The following ARHGAP15 variants were observed in gnomAD, a reference collection of about 807,000 sequenced individuals.
ARHGAP15 encodes rho GTPase-activating protein 15.
In ARHGAP15, 51 loss-of-function variants were observed where a neutral mutation model predicts 63.7. That is an observed-to-expected ratio of 0.80 (90% CI 0.64 to 1.01). The LOEUF (loss-of-function observed/expected upper bound fraction) is 1.01, where lower values mean the gene tolerates loss of function less well. Among genes scored for constraint, ARHGAP15 ranks in the 50% least tolerant of loss-of-function variants. The pLI, the probability that ARHGAP15 is intolerant of heterozygous loss-of-function variation, is 0.00. For synonymous variants in ARHGAP15, 191 were observed against 193.8 expected (o/e 0.99, Z 0.12); for missense variants, 560 against 564.6 (o/e 0.99, Z 0.08).
chr2:143,429,811 C>T (rs1250268904), intron 6 of ARHGAP15, among the ~76,000 whole-genome samples: 9 of 152,032 alleles, frequency 5.9e-5, no homozygotes, highest in African/African-American at 9.7e-5. Context: ...GAACATTTTC[C>T]GTTGCTTAAA....
intron 12 of ARHGAP15, among the ~76,000 whole-genome samples, chr2:143,694,784 C>G (rs1348393982): frequency 1.3e-5 from 2 of 152,226 alleles, no homozygotes; most frequent in African/African-American, 4.8e-5. Flanking sequence ...TAACCATTAT[C>G]TCCTCTTCAG....
chr2:143,709,054 C>T (rs1684458383), intron 13 of ARHGAP15, among the ~76,000 whole-genome samples: 1 of 152,110 alleles, frequency 6.6e-6, no homozygotes, highest in African/African-American at 2.4e-5. Context: ...AGTACTAGAA[C>T]TTTTGTTGTC....
At chr2:143,327,693 A>G (rs1039185847) in intron 6 of ARHGAP15, among the ~76,000 whole-genome samples, 1 of 152,198 alleles carries the variant, frequency 6.6e-6, no homozygotes, top group Non-Finnish European at 1.5e-5. Flanking sequence ...GGACATAGGC[A>G]TGGGCAAAGA....
intron 11 of ARHGAP15, among the ~76,000 whole-genome samples, chr2:143,558,025 C>T (rs184920863): frequency 2.0e-4 from 30 of 152,148 alleles, no homozygotes; most frequent in Admixed American, 1.4e-3. Context: ...AACTGGGTAG[C>T]ATCTATGACA....
At chr2:143,660,028 G>A (rs1045660758) in intron 12 of ARHGAP15, among the ~76,000 whole-genome samples, 11 of 152,238 alleles carry the variant, frequency 7.2e-5, no homozygotes, top group African/African-American at 1.2e-4. Flanking sequence ...GGGTAGACAC[G>A]TGGTCTGTGT....
chr2:143,252,211 T>C (rs1308747813), intron 6 of ARHGAP15, among the ~76,000 whole-genome samples: 1 of 152,056 alleles, frequency 6.6e-6, no homozygotes, highest in African/African-American at 2.4e-5. Context: ...GACAGTCAGC[T>C]ATATTTGATG....
At chr2:143,516,392 G>A (rs1006282370) in intron 9 of ARHGAP15, among the ~76,000 whole-genome samples, 4 of 152,030 alleles carry the variant, frequency 2.6e-5, no homozygotes, top group African/African-American at 9.7e-5. Flanking sequence ...ACCCTCTGTT[G>A]TACAAACATA....
Position 143,487,500 on chromosome 2 carries a change from A to G in ARHGAP15, c.826+5A>G. On this transcript the variant is annotated splice_donor_5th_base_variant and intron_variant, in intron 9 of 13. Transcript: ENST00000295095. The stretch of plus-strand genomic sequence containing the variant: ...AAGAAAAAGGACTTATTAAAGGTAC[A>G]GGTCATTTTATACTTGTACTATAAC... The G allele has an allele frequency of 6.2e-7, 1 of 1,611,424 alleles. No homozygotes were observed.
At chr2:143,490,918 G>A (rs934626656) in intron 9 of ARHGAP15, among the ~76,000 whole-genome samples, 1 of 152,068 alleles carries the variant, frequency 6.6e-6, no homozygotes. Context: ...ATGAGCAACC[G>A]CACCTGGCCC....
chr2:143,602,434 G>A (rs1697810195), intron 11 of ARHGAP15, among the ~76,000 whole-genome samples: 1 of 152,082 alleles, frequency 6.6e-6, no homozygotes, highest in Non-Finnish European at 1.5e-5. Context: ...TGGCTCCCTG[G>A]GAAATGCAAG....
chr2:143,589,725 C>G (rs1227731463), intron 11 of ARHGAP15, among the ~76,000 whole-genome samples: 1 of 151,930 alleles, frequency 6.6e-6, no homozygotes, highest in Non-Finnish European at 1.5e-5. Flanking sequence ...CCCAAGGTAA[C>G]AATATAAAGA....
At chr2:143,421,768 A>G (rs1278111592) in intron 6 of ARHGAP15, among the ~76,000 whole-genome samples, 847 of 8,020 alleles carry the variant, frequency 0.11, 7 homozygotes, top group East Asian at 0.3. Flanking sequence ...CACATGGTGT[A>G]TATATATATA....
chr2:143,693,626 C>T (rs1414220453), intron 12 of ARHGAP15, among the ~76,000 whole-genome samples: 1 of 152,146 alleles, frequency 6.6e-6, no homozygotes, highest in African/African-American at 2.4e-5. Flanking sequence ...TAATGCATTT[C>T]ATTTTACTGA....
chr2:143,575,857 G>A (rs980729706), intron 11 of ARHGAP15, among the ~76,000 whole-genome samples: 7 of 152,146 alleles, frequency 4.6e-5, no homozygotes, highest in South Asian at 2.1e-4. Flanking sequence ...AGATGATACC[G>A]TTCTAATAGT....
At chr2:143,327,563 A>G (rs1684314058) in intron 6 of ARHGAP15, among the ~76,000 whole-genome samples, 2 of 152,136 alleles carry the variant, frequency 1.3e-5, no homozygotes, top group African/African-American at 2.4e-5. Flanking sequence ...AGACCAATGG[A>G]ACATAACAGA....
chr2:143,245,609 TTTC>T (rs199646523), intron 5 of ARHGAP15, among the ~76,000 whole-genome samples: 62 of 148,486 alleles, frequency 4.2e-4, no homozygotes, highest in East Asian at 7.8e-4. Context: ...GATGCTTGCT[TTTC>T]TTCTTCTTCT....
At chr2:143,702,010 T>A (rs1191699032) in intron 12 of ARHGAP15, among the ~76,000 whole-genome samples, 1 of 152,174 alleles carries the variant, frequency 6.6e-6, no homozygotes, top group Non-Finnish European at 1.5e-5. Context: ...CCACTCCAGC[T>A]CCAAGGCAGC....
chr2:143,469,705 A>T (rs544586347), intron 8 of ARHGAP15, among the ~76,000 whole-genome samples: 1 of 152,350 alleles, frequency 6.6e-6, no homozygotes, highest in Non-Finnish European at 1.5e-5. Context: ...AATGAAAAGG[A>T]TATGAGATAT....
At chr2:143,535,952 T>G (rs964484115) in intron 10 of ARHGAP15, among the ~76,000 whole-genome samples, 1 of 152,190 alleles carries the variant, frequency 6.6e-6, no homozygotes, top group Non-Finnish European at 1.5e-5. Flanking sequence ...TAATGTATGT[T>G]TTTTTCACAT....
Sources: gnomAD v4.1 joint callset for allele counts (sites outside exome capture counted in the v4.1 genomes callset) on GRCh38, gnomAD v4.1.1 for gene constraint, MANE v1.5 for transcripts, NCBI Gene and HGNC (gene_info 2026-07-23, HGNC 2026-07-21) for gene names.